PRKN: variants seen among roughly 807,000 people sequenced by gnomAD.
The protein encoded by PRKN is parkin RBR E3 ubiquitin protein ligase, also known as E3 ubiquitin-protein ligase parkin.
In PRKN, 56 loss-of-function variants were observed where a neutral mutation model predicts 59.5. The ratio of observed to expected loss-of-function variants is 0.94; its 90% CI spans 0.76 to 1.18. The LOEUF (loss-of-function observed/expected upper bound fraction) is 1.18, where lower values mean the gene tolerates loss of function less well. Ranked by LOEUF, PRKN falls within the 50% of genes most tolerant of loss-of-function variation. The pLI is 0.00. For synonymous variants in PRKN, 250 were observed against 222.1 expected (o/e 1.13, Z -1.12); for missense variants, 657 against 596.4 (o/e 1.10, Z -1.06).
In PRKN at chr6:161,360,517, A is replaced by T. The variant is rs1444524516; in HGVS notation, c.1168-312T>A. ...AGGTGCTTAAAATGCAGGCAAGGTG[A>T]TCAATGCTCAAATACACTTCTCATT... On this transcript the variant is annotated intron_variant, in intron 10 of 11. Coordinates refer to ENST00000366898, the MANE Select transcript of PRKN (RefSeq NM_004562.3). This position sits in a 1 kb window ranked among gnomAD's most constrained non-coding sequence, Gnocchi z 5.1. 6.6e-6 allele frequency among the ~76,000 whole-genome samples: 1 copy of T among 152,196 alleles called. No homozygotes were observed. Among genetic ancestry groups the T allele is most frequent in the Non-Finnish European group, 1.5e-5 (1 of 68,038 alleles).
At chr6:162,498,338 C>G (rs1793168541) in intron 1 of PRKN, among the ~76,000 whole-genome samples, 1 of 135,454 alleles carries the variant, frequency 7.4e-6, no homozygotes, top group African/African-American at 2.8e-5. Context: ...CATTTGATGT[C>G]TATCTAGTCT....
At chr6:162,397,474 G>A (rs913134627) in intron 2 of PRKN, among the ~76,000 whole-genome samples, 7 of 151,750 alleles carry the variant, frequency 4.6e-5, no homozygotes, top group African/African-American at 7.3e-5. Context: ...ATATGCACAC[G>A]GCTGTACTAG....
At chr6:162,697,267 T>TA (rs1481477421) in intron 1 of PRKN, among the ~76,000 whole-genome samples, 2 of 152,106 alleles carry the variant, frequency 1.3e-5, no homozygotes, top group African/African-American at 4.8e-5. Flanking sequence ...TTTTCCGTAA[T>TA]AAAAAATTAT....
chr6:161,785,000 G>A (rs569854557), intron 7 of PRKN, among the ~76,000 whole-genome samples: 1 of 152,224 alleles, frequency 6.6e-6, no homozygotes, highest in South Asian at 2.1e-4. Context: ...GTGAAATAAG[G>A]CAGACACGAA....
intron 9 of PRKN, among the ~76,000 whole-genome samples, chr6:161,387,320 A>G (rs1448079484): frequency 6.6e-6 from 1 of 152,162 alleles, no homozygotes; most frequent in East Asian, 1.9e-4. Flanking sequence ...ACGGTTTTAC[A>G]ATGGGCTTCC....
chr6:162,548,525 T>A lies in PRKN; in HGVS notation c.8-105052A>T, dbSNP rs144476459. On this transcript the variant is annotated intron_variant, in intron 1 of 11. Coordinates refer to ENST00000366898, the MANE Select transcript of PRKN (RefSeq NM_004562.3). ...AATTAAGCACATAATCCCATTTATC[T>A]CTCTAGAAACAACTGACATTCAAAT... Among the ~76,000 whole-genome samples, 137 of 152,092 alleles carry A rather than the reference T, an allele frequency of 9.0e-4. 1 individual carries two copies. In the Middle Eastern group the frequency reaches 0.041, roughly 45 times the overall value.
intron 2 of PRKN, among the ~76,000 whole-genome samples, chr6:162,379,371 T>C (rs1234239801): frequency 6.6e-6 from 1 of 152,152 alleles, no homozygotes; most frequent in Middle Eastern, 3.2e-3. Flanking sequence ...AATTGGGAGA[T>C]TACTTGTATT....
intron 4 of PRKN, among the ~76,000 whole-genome samples, chr6:162,063,095 A>G (rs909667405): frequency 1.3e-5 from 2 of 152,198 alleles, no homozygotes; most frequent in African/African-American, 4.8e-5. Flanking sequence ...AGAAGGCTCT[A>G]ATCCCACATA....
chr6:162,279,195 AG>A (rs1468657474), intron 2 of PRKN, among the ~76,000 whole-genome samples: 4 of 151,800 alleles, frequency 2.6e-5, no homozygotes, highest in Non-Finnish European at 5.9e-5. Flanking sequence ...AAAATTAGCC[AG>A]GGGTGGTGGC....
intron 5 of PRKN, among the ~76,000 whole-genome samples, chr6:162,004,720 C>G (rs971385394): frequency 6.6e-6 from 1 of 152,172 alleles, no homozygotes; most frequent in African/African-American, 2.4e-5. Flanking sequence ...CATGGAAACT[C>G]ATTTACCACA....
intron 9 of PRKN, among the ~76,000 whole-genome samples, chr6:161,404,186 A>G (rs1453193719): frequency 6.6e-6 from 1 of 152,050 alleles, no homozygotes; most frequent in Non-Finnish European, 1.5e-5. Flanking sequence ...CTTATCCATC[A>G]TCCCTACTAG....
chr6:161,900,628 A>G (rs1777861451), intron 6 of PRKN, among the ~76,000 whole-genome samples: 1 of 108,992 alleles, frequency 9.2e-6, no homozygotes, highest in South Asian at 2.9e-4. Flanking sequence ...ATATACTATA[A>G]TATACTATAT....
In PRKN at chr6:161,525,872, C is replaced by CAACCCAAT. The variant is rs1460026130; in HGVS notation, c.1083+22974_1083+22981dup. On this transcript the variant is annotated intron_variant, in intron 9 of 11. Transcript: ENST00000366898. This position sits in a 1 kb window ranked among gnomAD's most constrained non-coding sequence, Gnocchi z 4.7. ...ATTATTTAAAGTAATTTTTGGAAAA[C>CAACCCAAT]AACCCAATAACTTAGATAATGTTAT... is the stretch of plus-strand genomic sequence containing the variant. Among the ~76,000 whole-genome samples, 1 of 152,054 alleles carries CAACCCAAT rather than the reference C, an allele frequency of 6.6e-6. No homozygotes were observed. The highest frequency in any genetic ancestry group is 2.4e-5 in the African/African-American group (1 of 41,400).
chr6:161,534,794 A>G (rs1019906323), intron 9 of PRKN, among the ~76,000 whole-genome samples: 1 of 152,204 alleles, frequency 6.6e-6, no homozygotes, highest in Non-Finnish European at 1.5e-5. Flanking sequence ...CCCTACAAGT[A>G]TTACTGATTT....
At chr6:161,891,791 G>T (rs1271735013) in intron 6 of PRKN, among the ~76,000 whole-genome samples, 1 of 152,186 alleles carries the variant, frequency 6.6e-6, no homozygotes, top group African/African-American at 2.4e-5. Context: ...AAAGCAGTTA[G>T]ATCTAATTAT....
At chr6:162,671,161 T>C (rs1332950992) in intron 1 of PRKN, among the ~76,000 whole-genome samples, 3 of 152,162 alleles carry the variant, frequency 2.0e-5, no homozygotes, top group Non-Finnish European at 2.9e-5. Context: ...TCTAACATTC[T>C]TTTCACTATA....
At chr6:161,882,424 C>G (rs1794972262) in intron 6 of PRKN, among the ~76,000 whole-genome samples, 1 of 152,084 alleles carries the variant, frequency 6.6e-6, no homozygotes, top group Non-Finnish European at 1.5e-5. Flanking sequence ...TGAGCCGCCT[C>G]CCCAGCCCAG....
At chr6:161,809,292 C>T (rs773912320) in intron 6 of PRKN, among the ~76,000 whole-genome samples, 8 of 53,358 alleles carry the variant, frequency 1.5e-4, no homozygotes, top group Non-Finnish European at 2.5e-4. Context: ...AATCCCGAGT[C>T]CTGAGGAATT....
intron 2 of PRKN, among the ~76,000 whole-genome samples, chr6:162,323,303 T>A (rs941691434): frequency 8.8e-6 from 1 of 113,770 alleles, no homozygotes; most frequent in African/African-American, 3.0e-5. Flanking sequence ...AAACCACTTA[T>A]AGAAAAAAAC....
Sources: allele counts gnomAD v4.1 joint callset (sites outside exome capture counted in the v4.1 genomes callset), GRCh38; gene constraint gnomAD v4.1.1; non-coding constraint Gnocchi (gnomAD v3.1); transcripts MANE v1.5; gene names NCBI Gene and HGNC (gene_info 2026-07-23, HGNC 2026-07-21).